ST7L: variants seen among roughly 807,000 people sequenced by gnomAD.
ST7L encodes suppression of tumorigenicity 7 like.
A neutral mutation model predicts 72.5 loss-of-function variants in ST7L; 57 were observed. The ratio of observed to expected loss-of-function variants is 0.79; its 90% CI spans 0.64 to 0.98. The LOEUF is 0.98. ST7L is among the 50% of genes least tolerant of loss of function. The pLI, the probability that ST7L is intolerant of heterozygous loss-of-function variation, is 0.00. For missense variants in ST7L, 576 were observed against 672.2 expected (o/e 0.86, Z 1.58); for synonymous variants, 221 against 240.9 (o/e 0.92, Z 0.77).
chr1:112,558,864 G>A (rs1015795814), intron 11 of ST7L, among the ~76,000 whole-genome samples: 54 of 152,280 alleles, frequency 3.5e-4, no homozygotes, highest in Admixed American at 1.4e-3. Flanking sequence ...GTGGGAAAAT[G>A]GACTCAAATA....
At chr1:112,567,410 G>C (rs1042559256) in intron 11 of ST7L, among the ~76,000 whole-genome samples, 3 of 151,910 alleles carry the variant, frequency 2.0e-5, no homozygotes, top group Non-Finnish European at 2.9e-5. Flanking sequence ...TCCTGTCCAT[G>C]GCTTGCCTTT....
At chr1:112,575,409 C>A (rs778928920) in intron 11 of ST7L, among the ~76,000 whole-genome samples, 20 of 152,198 alleles carry the variant, frequency 1.3e-4, no homozygotes, top group African/African-American at 4.8e-4. Flanking sequence ...CAGTAAGAGA[C>A]TAATAACAAT....
chr1:112,584,483 G>A (rs12090354), intron 6 of ST7L, among the ~76,000 whole-genome samples: 2,012 of 151,870 alleles, frequency 0.013, 58 homozygotes, highest in African/African-American at 0.047. Flanking sequence ...ACCCTCTACT[G>A]GTCATACCTG....
intron 11 of ST7L, among the ~76,000 whole-genome samples, chr1:112,561,295 G>A (rs1483053024): frequency 1.3e-5 from 2 of 149,684 alleles, no homozygotes; most frequent in East Asian, 4.0e-4. Flanking sequence ...GACAGGGCAT[G>A]GTGGTACATG....
chr1:112,529,334 T>A (rs545892555), intron 14 of ST7L: 1 of 152,276 alleles, frequency 6.6e-6, no homozygotes, highest in East Asian at 1.9e-4. Context: ...CCCTAGGTAG[T>A]TTATAAAGGG....
At chr1:112,549,075 T>C (rs529343927) in intron 13 of ST7L, among the ~76,000 whole-genome samples, 1 of 152,000 alleles carries the variant, frequency 6.6e-6, no homozygotes, top group South Asian at 2.1e-4. Flanking sequence ...AATCTATAGA[T>C]CAATTTGGAG....
chr1:112,539,745 C>A (rs572704758), intron 14 of ST7L: 3 of 984,798 alleles, frequency 3.0e-6, no homozygotes. Context: ...TTAAATGGAA[C>A]CTGCCTTTGG....
chr1:112,530,743 A>C (rs1366710326), intron 14 of ST7L, among the ~76,000 whole-genome samples: 1 of 152,164 alleles, frequency 6.6e-6, no homozygotes, highest in African/African-American at 2.4e-5. Flanking sequence ...CATATATCCC[A>C]AAGTCATATC....
chr1:112,548,210 TA>T (rs1359377527), intron 13 of ST7L, among the ~76,000 whole-genome samples: 1 of 151,926 alleles, frequency 6.6e-6, no homozygotes, highest in Admixed American at 6.6e-5. Context: ...CAAAAAAAAT[TA>T]GCTGGGCGTG....
intron 11 of ST7L, among the ~76,000 whole-genome samples, chr1:112,556,699 C>T (rs1659163828): frequency 1.3e-5 from 2 of 151,946 alleles, no homozygotes; most frequent in South Asian, 2.1e-4. Flanking sequence ...TGTACAAGGC[C>T]GAGTGCGCTG....
At chr1:112,552,496 C>T (rs1658388199) in intron 12 of ST7L, among the ~76,000 whole-genome samples, 1 of 152,080 alleles carries the variant, frequency 6.6e-6, no homozygotes, top group African/African-American at 2.4e-5. Flanking sequence ...TCTCCGCCTC[C>T]CAGGTTCAAG....
chr1:112,555,983 T>C lies in ST7L; in HGVS notation c.1281A>G (p.Pro427=), dbSNP rs781673134. The C allele has an allele frequency of 4.4e-6, 7 of 1,608,052 alleles. No homozygotes were observed. The highest frequency in any genetic ancestry group is 5.9e-6 in the Non-Finnish European group (7 of 1,176,696). Residue 427 remains proline (P), a synonymous_variant, in exon 12 of 15, where the codon CCA becomes CCG. Coordinates refer to ENST00000358039, the MANE Select transcript of ST7L (RefSeq NM_017744.5). ...LLEMKSLILP[P]EHILKRGDSE... The stretch of plus-strand genomic sequence containing the variant: ...TATCACCCCGTTTCAGAATGTGTTC[T>C]GGAGGTAAAATTAAACTTTTCATCT...
chr1:112,571,217 A>G (rs932918103), intron 11 of ST7L: 3 of 422,852 alleles, frequency 7.1e-6, no homozygotes, highest in Middle Eastern at 3.5e-4. Flanking sequence ...GTGTTTCATA[A>G]CACTCGGCTT....
At chr1:112,591,296 GA>G (rs1315584155) in intron 6 of ST7L, among the ~76,000 whole-genome samples, 1 of 152,066 alleles carries the variant, frequency 6.6e-6, no homozygotes, top group African/African-American at 2.4e-5. Flanking sequence ...TCTCCATTTT[GA>G]AAAGTATTTC....
chr1:112,518,730 T>C (rs900166680), downstream of ST7L, among the ~76,000 whole-genome samples: 7 of 152,136 alleles, frequency 4.6e-5, no homozygotes, highest in African/African-American at 1.7e-4. Context: ...CAAATGTGTG[T>C]TCGTTTTTCT....
intron 14 of ST7L, chr1:112,529,152 CTGAGTGTG>C (rs1284233810): frequency 6.6e-6 from 1 of 151,874 alleles, no homozygotes; most frequent in Non-Finnish European, 1.5e-5. Flanking sequence ...CAGTGTGGCA[CTGAGTGTG>C]TGTGTGTTTG....
chr1:112,534,197 T>C (rs12117479), intron 14 of ST7L, among the ~76,000 whole-genome samples: 1 of 152,088 alleles, frequency 6.6e-6, no homozygotes, highest in African/African-American at 2.4e-5. Context: ...AGCAAGCCAC[T>C]GGATATCACC....
intron 3 of ST7L, among the ~76,000 whole-genome samples, chr1:112,604,911 C>T (rs1285046203): frequency 6.8e-6 from 1 of 147,240 alleles, no homozygotes; most frequent in Non-Finnish European, 1.5e-5. Flanking sequence ...CATGGTGAAA[C>T]CCCATCTCTA....
intron 6 of ST7L, among the ~76,000 whole-genome samples, chr1:112,589,445 G>A (rs1665355340): frequency 6.6e-6 from 1 of 151,944 alleles, no homozygotes; most frequent in South Asian, 2.1e-4. Flanking sequence ...TGCATGCCTT[G>A]TAATTTTTTG....
Sources: gnomAD v4.1 joint callset for allele counts (sites outside exome capture counted in the v4.1 genomes callset) on GRCh38, gnomAD v4.1.1 for gene constraint, MANE v1.5 for transcripts, NCBI Gene and HGNC (gene_info 2026-07-23, HGNC 2026-07-21) for gene names.